GRB10: variants seen among roughly 807,000 people sequenced by gnomAD.
GRB10 encodes growth factor receptor bound protein 10.
In GRB10, 20 loss-of-function variants were observed where a neutral mutation model predicts 80.9. The observed-to-expected ratio is 0.25, with a 90% CI of 0.17 to 0.36. The LOEUF is 0.36. Ranked by LOEUF, GRB10 falls within the 10% of genes least tolerant of loss-of-function variation. GRB10 has a pLI of 1.00. For synonymous variants in GRB10, 291 were observed against 291.5 expected (o/e 1.00, Z 0.02); for missense variants, 548 against 747.7 (o/e 0.73, Z 3.12).
intron 3 of GRB10, among the ~76,000 whole-genome samples, chr7:50,735,899 C>CTT (rs1170247248): frequency 6.6e-6 from 1 of 151,886 alleles, no homozygotes; most frequent in African/African-American, 2.4e-5. Flanking sequence ...AAACAAAAAG[C>CTT]CATCCTAAAA....
chr7:50,777,919 G>A (rs1256412782), intron 2 of GRB10, among the ~76,000 whole-genome samples: 4 of 152,260 alleles, frequency 2.6e-5, no homozygotes, highest in East Asian at 1.9e-4. Context: ...CTGTCAGGGA[G>A]GGGAGAGGGA....
At chr7:50,732,179 T>C in intron 4 of GRB10, 93 bp downstream of exon 4, 2 of 1,318,164 alleles carry the variant, frequency 1.5e-6, no homozygotes, top group Non-Finnish European at 2.2e-6. Flanking sequence ...ACCTGAGAGC[T>C]ACAGAAACGA....
chr7:50,750,063 G>C (rs1341676946), intron 3 of GRB10, among the ~76,000 whole-genome samples: 1 of 152,104 alleles, frequency 6.6e-6, no homozygotes, highest in Non-Finnish European at 1.5e-5. Flanking sequence ...TCCCAGGTGG[G>C]GGCAAAGAAA....
chr7:50,728,951 G>A (rs1157466001), intron 4 of GRB10, among the ~76,000 whole-genome samples: 5 of 152,208 alleles, frequency 3.3e-5, no homozygotes, highest in African/African-American at 9.6e-5. Context: ...GATTACAGGC[G>A]TGAGCCACCA....
chr7:50,712,880 T>C (rs1031398825), intron 4 of GRB10, among the ~76,000 whole-genome samples: 10 of 152,228 alleles, frequency 6.6e-5, no homozygotes, highest in African/African-American at 2.4e-4. Flanking sequence ...TACAAACCAA[T>C]GAATGTTAGT....
At chr7:50,757,523 C>T (rs1273283508) in intron 2 of GRB10, among the ~76,000 whole-genome samples, 1 of 152,198 alleles carries the variant, frequency 6.6e-6, no homozygotes, top group African/African-American at 2.4e-5. Context: ...GATTATGAGA[C>T]TGATCAAAGT....
chr7:50,658,889 C>T (rs1170781045), intron 7 of GRB10, among the ~76,000 whole-genome samples: 3 of 152,180 alleles, frequency 2.0e-5, no homozygotes, highest in Non-Finnish European at 2.9e-5. Context: ...ATGCAGGTGC[C>T]GTCACGTCGG....
At chr7:50,713,494 T>C (rs114119445) in intron 4 of GRB10, among the ~76,000 whole-genome samples, 2,252 of 146,346 alleles carry the variant, frequency 0.015, 61 homozygotes, top group African/African-American at 0.056. Context: ...CTCTACCATC[T>C]CCACCATCTC....
At chr7:50,772,885 A>G (rs1333450025) in intron 2 of GRB10, among the ~76,000 whole-genome samples, 2 of 152,262 alleles carry the variant, frequency 1.3e-5, no homozygotes, top group Non-Finnish European at 2.9e-5. Flanking sequence ...TCTAGAATAT[A>G]TAAATTCCTA....
rs530925835 is a variant in GRB10, at chr7:50,636,965, A to T, written c.505-9987T>A. Reference sequence around the variant, plus strand: ...TTTTCTGTGTTCATTTGATGGCATGAGTTGTGTTTTTTTTGTTTTGTTTTT... The same window carrying T: ...TTTTCTGTGTTCATTTGATGGCATGTGTTGTGTTTTTTTTGTTTTGTTTTT... On this transcript the variant is annotated intron_variant, in intron 7 of 18. Transcript: ENST00000401949. Among the ~76,000 whole-genome samples, 4 of 152,240 alleles carry T rather than the reference A, an allele frequency of 2.6e-5. No homozygotes were observed. In the East Asian group the frequency reaches 7.7e-4, roughly 29 times the overall value.
intron 13 of GRB10, among the ~76,000 whole-genome samples, chr7:50,609,318 T>C (rs887535396): frequency 6.6e-6 from 1 of 152,216 alleles, no homozygotes; most frequent in Non-Finnish European, 1.5e-5. Flanking sequence ...AACTGTGTAA[T>C]GAAGCAAAGC....
chr7:50,669,337 A>T (rs972420557), intron 7 of GRB10, among the ~76,000 whole-genome samples: 1 of 152,248 alleles, frequency 6.6e-6, no homozygotes, highest in African/African-American at 2.4e-5. Context: ...CAGAAGGCAA[A>T]GCAGGAACTG....
intron 7 of GRB10, among the ~76,000 whole-genome samples, chr7:50,664,750 C>T (rs1030217743): frequency 4.6e-5 from 7 of 152,170 alleles, no homozygotes; most frequent in Non-Finnish European, 8.8e-5. Flanking sequence ...CCAGCCTCTC[C>T]GGCCGGAGCA....
At chr7:50,744,406 A>G (rs1439377946) in intron 3 of GRB10, among the ~76,000 whole-genome samples, 1 of 152,166 alleles carries the variant, frequency 6.6e-6, no homozygotes, top group Non-Finnish European at 1.5e-5. Context: ...AGCACTGAAC[A>G]AGGTAGGAGT....
chr7:50,752,968 A>AGACCATTGG (rs1180120495), intron 3 of GRB10, among the ~76,000 whole-genome samples: 1 of 152,238 alleles, frequency 6.6e-6, no homozygotes, highest in African/African-American at 2.4e-5. Flanking sequence ...ATAGAAACTG[A>AGACCATTGG]GACCATTGGG....
chr7:50,739,507 T>C (rs2071369377), intron 3 of GRB10, among the ~76,000 whole-genome samples: 1 of 152,224 alleles, frequency 6.6e-6, no homozygotes, highest in South Asian at 2.1e-4. Context: ...ATGCTCACCT[T>C]GTCTATCCCG....
chr7:50,676,046 G>A (rs1050195026), intron 5 of GRB10, among the ~76,000 whole-genome samples: 9 of 152,042 alleles, frequency 5.9e-5, no homozygotes, highest in Admixed American at 3.3e-4. Context: ...TAGATTTTTC[G>A]CTTTTTGACA....
intron 2 of GRB10, among the ~76,000 whole-genome samples, chr7:50,774,199 G>C (rs1025394016): frequency 3.3e-5 from 5 of 152,174 alleles, no homozygotes; most frequent in African/African-American, 4.8e-5. Context: ...GGAAAGCAGG[G>C]GGAGCAATGG....
intron 6 of GRB10, among the ~76,000 whole-genome samples, chr7:50,670,714 T>C (rs1001737693): frequency 1.3e-5 from 2 of 152,206 alleles, no homozygotes; most frequent in East Asian, 3.8e-4. Flanking sequence ...GTCCTTGAAA[T>C]GAGCATTAAT....
Sources: allele counts gnomAD v4.1 joint callset (sites outside exome capture counted in the v4.1 genomes callset), GRCh38; gene constraint gnomAD v4.1.1; transcripts MANE v1.5; gene names NCBI Gene and HGNC (gene_info 2026-07-23, HGNC 2026-07-21).